Variants in VPS53 observed in about 807,000 individuals in gnomAD.
VPS53 encodes VPS53 subunit of GARP complex.
In VPS53, 70 loss-of-function variants were observed where a neutral mutation model predicts 107.0. That is an observed-to-expected ratio of 0.65 (90% CI 0.54 to 0.80). VPS53 has a LOEUF of 0.80. Among genes scored for constraint, VPS53 ranks in the 30% least tolerant of loss-of-function variants. The pLI is 0.00. For missense variants in VPS53, 917 were observed against 1,049.4 expected, an observed-to-expected ratio of 0.87 and a Z score of 1.74; for synonymous variants, 409 against 393.3, an observed-to-expected ratio of 1.04 and a Z score of -0.47.
At chr17:619,176 G>A (rs527527164) in intron 11 of VPS53, among the ~76,000 whole-genome samples, 2 of 136,060 alleles carry the variant, frequency 1.5e-5, no homozygotes, top group South Asian at 4.7e-4. Context: ...GACTACAGGT[G>A]CCCACGACGC....
intron 18 of VPS53, 65 bp from the exon 19 acceptor site, chr17:532,976 T>G (rs1379306683): frequency 1.3e-6 from 2 of 1,572,098 alleles, no homozygotes; most frequent in East Asian, 2.3e-5. Flanking sequence ...TGCAAAAACT[T>G]TAAGGTTCCA....
At chr17:618,246 CGT>C (rs1969242565) in intron 11 of VPS53, among the ~76,000 whole-genome samples, 3 of 80,062 alleles carry the variant, frequency 3.7e-5, no homozygotes, top group Admixed American at 1.2e-4. Context: ...GGACTACAGG[CGT>C]GCACCACCAC....
chr17:590,590 G>A (rs1967591427), intron 12 of VPS53, among the ~76,000 whole-genome samples: 1 of 151,980 alleles, frequency 6.6e-6, no homozygotes, highest in African/African-American at 2.4e-5. Context: ...AGCATGAAGA[G>A]TTGTTGAATT....
chr17:668,717 C>G (rs950646129), intron 4 of VPS53, among the ~76,000 whole-genome samples: 1 of 152,124 alleles, frequency 6.6e-6, no homozygotes, highest in African/African-American at 2.4e-5. Context: ...TCTAGACAAA[C>G]ACCCTAAAAC....
At chr17:619,181 C>T (rs1451778058) in intron 11 of VPS53, among the ~76,000 whole-genome samples, 3 of 147,872 alleles carry the variant, frequency 2.0e-5, no homozygotes, top group African/African-American at 7.6e-5. Context: ...CAGGTGCCCA[C>T]GACGCCTGCT....
At chr17:624,100 C>T (rs763428166) in intron 10 of VPS53, among the ~76,000 whole-genome samples, 2 of 151,806 alleles carry the variant, frequency 1.3e-5, no homozygotes, top group African/African-American at 2.4e-5. Context: ...TCAAGAGATC[C>T]GCCCACCTCG....
intron 4 of VPS53, among the ~76,000 whole-genome samples, chr17:666,800 T>G (rs1298392885): frequency 7.9e-5 from 12 of 151,938 alleles, no homozygotes; most frequent in Non-Finnish European, 1.8e-4. Flanking sequence ...GCACCTGTAA[T>G]CCCAGCTACT....
At chr17:613,492 T>A in intron 11 of VPS53, among the ~76,000 whole-genome samples, 1 of 151,438 alleles carries the variant, frequency 6.6e-6, no homozygotes, top group African/African-American at 2.4e-5. Context: ...ACATAGTGAG[T>A]TCACACAGTG....
chr17:706,261 A>G (rs1973393625), intron 2 of VPS53, among the ~76,000 whole-genome samples: 1 of 152,036 alleles, frequency 6.6e-6, no homozygotes, highest in Non-Finnish European at 1.5e-5. Context: ...AAGTCAGGCC[A>G]GGCGTGGTGG....
At position 524,102 on chromosome 17, in the gene VPS53, C is replaced by A. The variant is rs1023186619; in HGVS notation, c.2086-2364G>T. On this transcript the variant is annotated intron_variant, in intron 19 of 21. Coordinates refer to ENST00000437048, the MANE Select transcript of VPS53 (RefSeq NM_001128159.3). This position sits in a 1 kb window ranked among gnomAD's most constrained non-coding sequence, Gnocchi z 4.5. ...TCATCTGAGGTCAGGAGTTCGAGAC[C>A]AGCCTGGCCAACATGGAGAAACCCC... Among the ~76,000 whole-genome samples, 1 of 151,978 alleles carries A rather than the reference C, an allele frequency of 6.6e-6. No individual in the cohort carries two copies. Among genetic ancestry groups the A allele is most frequent in the Admixed American group, 6.6e-5 (1 of 15,260 alleles).
chr17:520,037 G>A lies in VPS53; in HGVS notation c.2224-107C>T, dbSNP rs1007374946. 7 of 727,864 alleles carry A rather than the reference G, an allele frequency of 9.6e-6. No individual in the cohort carries two copies. In the Admixed American group the frequency reaches 1.8e-4, roughly 19 times the overall value. The allele number at this position is 727,864 out of a possible 1,614,324, so 45.1% of individuals were successfully genotyped here. On this transcript the variant is annotated intron_variant, in intron 20 of 21. Coordinates refer to ENST00000437048, the MANE Select transcript of VPS53 (RefSeq NM_001128159.3). This position sits in a 1 kb window ranked among gnomAD's most constrained non-coding sequence, Gnocchi z 4.4. ...TCACTACCCACCGCAGGAGGAGACG[G>A]GAGCGGGCCCTTCAGGAAAACTCAC...
chr17:683,154 G>A (rs1279013968), intron 4 of VPS53, among the ~76,000 whole-genome samples: 2 of 152,136 alleles, frequency 1.3e-5, no homozygotes, highest in Non-Finnish European at 2.9e-5. Context: ...ACACCTGCAG[G>A]ACAGTATTAA....
intron 13 of VPS53, among the ~76,000 whole-genome samples, chr17:573,872 G>T (rs377484140): frequency 3.3e-5 from 5 of 152,190 alleles, no homozygotes; most frequent in African/African-American, 1.2e-4. Context: ...AGCAAAAGTA[G>T]TAATGTGCAC....
Position 653,561 on chromosome 17 carries a change from G to C in VPS53, c.489-151C>G, listed in dbSNP as rs1971049844. 1.5e-5 allele frequency: 19 copies of C among 1,273,170 alleles called. No individual in the cohort carries two copies. The South Asian group carries it at 2.8e-4, about 18-fold the overall frequency. The allele number at this position is 1,273,170 out of a possible 1,614,324, so 78.9% of individuals were successfully genotyped here. On this transcript the variant is annotated intron_variant, in intron 6 of 21. Transcript: ENST00000437048. ...GAGTATATAAGCTGCTGTGCGTTGTGGGAGGAAAAAACAGGATCTGGTCCA... is the reference window on the plus strand; with the variant it reads ...GAGTATATAAGCTGCTGTGCGTTGTCGGAGGAAAAAACAGGATCTGGTCCA...
chr17:537,703 T>A (rs1196588127), intron 17 of VPS53: 1 of 152,614 alleles, frequency 6.6e-6, no homozygotes, highest in Non-Finnish European at 1.5e-5. Context: ...GGATGTTGCT[T>A]CAAAATAATA....
intron 17 of VPS53, among the ~76,000 whole-genome samples, chr17:549,468 G>A (rs180826086): frequency 1.1e-3 from 160 of 152,200 alleles, no homozygotes; most frequent in Admixed American, 2.7e-3. Flanking sequence ...GTGTGGGCAC[G>A]GGGCAGAAGT....
In VPS53 at chr17:658,941, T is replaced by C. The variant is rs537807438; in HGVS notation, c.372+2868A>G. ...TCCACACCTATGATCCTGCAAGCCT[T>C]ACCTGGATCTTAGCTATAAAAAGCC... On this transcript the variant is annotated intron_variant, in intron 5 of 21. Transcript: ENST00000437048. Among the ~76,000 whole-genome samples, 3 of 152,240 alleles carry C rather than the reference T, an allele frequency of 2.0e-5. No individual in the cohort carries two copies. The East Asian group carries it at 5.8e-4, about 29-fold the overall frequency.
intron 18 of VPS53, among the ~76,000 whole-genome samples, chr17:534,718 G>A (rs1909884932): frequency 6.6e-6 from 1 of 152,154 alleles, no homozygotes; most frequent in Non-Finnish European, 1.5e-5. Context: ...AGGAGTTTGA[G>A]ACCAGCCTGG....
chr17:542,350 A>G (rs1419831353), intron 17 of VPS53, among the ~76,000 whole-genome samples: 1 of 152,224 alleles, frequency 6.6e-6, no homozygotes, highest in Non-Finnish European at 1.5e-5. Flanking sequence ...GCTGAAATTG[A>G]GTCAGCCAGT....
Sources: gnomAD v4.1 joint callset for allele counts (sites outside exome capture counted in the v4.1 genomes callset) on GRCh38, gnomAD v4.1.1 for gene constraint, Gnocchi (gnomAD v3.1) non-coding constraint, MANE v1.5 for transcripts, NCBI Gene and HGNC (gene_info 2026-07-23, HGNC 2026-07-21) for gene names.